The following EHMT1 variants were observed in gnomAD, a reference collection of about 807,000 sequenced individuals.
EHMT1 encodes euchromatic histone lysine methyltransferase 1.
EHMT1 carries 15 observed loss-of-function variants against 147.2 expected under a neutral mutation model. The observed-to-expected ratio is 0.10, with a 90% CI of 0.07 to 0.16. EHMT1 has a LOEUF of 0.16. Ranked by LOEUF, EHMT1 falls within the 10% of genes least tolerant of loss-of-function variation. EHMT1 has a pLI of 1.00. For synonymous variants in EHMT1, 795 were observed against 709.6 expected (o/e 1.12, Z -1.91); for missense variants, 1,587 against 1,772.4 (o/e 0.90, Z 1.88).
chr9:137,782,310 C>T lies in EHMT1; in HGVS notation c.2295C>T (p.Asn765=). ...LLMLVDGIDP[N]FKMEHQNKRS... ...TCACAGTGGACGGAATTGACCCCAA[C>T]TTCAAAATGGAGCACCAGAATAAGC... The change falls in exon 15 of 27, where the codon AAC becomes AAT. Residue 765 remains asparagine, a synonymous_variant. Transcript: ENST00000460843. The surrounding 1 kb of genome is among the most constrained non-coding windows in gnomAD (Gnocchi z 5.7). 1 of 1,613,798 alleles carries T rather than the reference C, an allele frequency of 6.2e-7. No individual in the cohort carries two copies.
intron 15 of EHMT1, among the ~76,000 whole-genome samples, chr9:137,789,613 C>T (rs560293514): frequency 1.3e-5 from 2 of 152,352 alleles, no homozygotes; most frequent in East Asian, 3.9e-4. Flanking sequence ...AGGCCTCAGC[C>T]TTCTGACCTC....
At chr9:137,633,142 G>A (rs1437102585) in intron 1 of EHMT1, among the ~76,000 whole-genome samples, 1 of 152,114 alleles carries the variant, frequency 6.6e-6, no homozygotes, top group African/African-American at 2.4e-5. Flanking sequence ...GTGGGTGGCC[G>A]TGCCATTCAC....
At chr9:137,681,089 A>C (rs1005653891) in intron 1 of EHMT1, among the ~76,000 whole-genome samples, 1 of 152,230 alleles carries the variant, frequency 6.6e-6, no homozygotes, top group Non-Finnish European at 1.5e-5. Flanking sequence ...ACAGGAGCAA[A>C]GCCCAGGCCA....
At chr9:137,769,415 C>T (rs1259701284) in intron 10 of EHMT1, among the ~76,000 whole-genome samples, 2 of 152,148 alleles carry the variant, frequency 1.3e-5, no homozygotes, top group Admixed American at 6.5e-5. Flanking sequence ...TTTGGTAGCA[C>T]AAGGCTGCTG....
At chr9:137,818,600 C>T (rs1955140962) in intron 25 of EHMT1, among the ~76,000 whole-genome samples, 1 of 100,592 alleles carries the variant, frequency 9.9e-6, no homozygotes, top group Non-Finnish European at 1.8e-5. Flanking sequence ...TGAGGGGCGC[C>T]ATGTACCGAG....
chr9:137,834,344 T>A lies in EHMT1; in HGVS notation c.3541-5T>A. 9 of 1,612,170 alleles carry A rather than the reference T, an allele frequency of 5.6e-6. No homozygotes were observed. The highest frequency in any genetic ancestry group is 7.6e-6 in the Non-Finnish European group (9 of 1,179,682). ...TGCAGCCCGTGCCGGCTTCTCGCCCTGCAGGACGGGGAGGTTTACTGCATC... is the reference window on the plus strand; with the variant it reads ...TGCAGCCCGTGCCGGCTTCTCGCCCAGCAGGACGGGGAGGTTTACTGCATC... On this transcript the variant is annotated splice_polypyrimidine_tract_variant and splice_region_variant and intron_variant, in intron 25 of 26. Transcript: ENST00000460843.
rs376597636 is a variant in EHMT1, at chr9:137,696,375, C to G, written c.22-14592C>G. ...TTCCTTCTTGCTGCTGTTACAGTTCCCAAGGAGAAGACAAGTCTCTCTTCC... is the reference window on the plus strand; with the variant it reads ...TTCCTTCTTGCTGCTGTTACAGTTCGCAAGGAGAAGACAAGTCTCTCTTCC... On this transcript the variant is annotated intron_variant, in intron 1 of 26. Transcript: ENST00000460843. Among the ~76,000 whole-genome samples, 144 of 152,216 alleles carry G rather than the reference C, an allele frequency of 9.5e-4. 1 individual carries two copies. Among genetic ancestry groups the G allele is most frequent in the African/African-American group, 3.3e-3 (139 of 41,532 alleles).
chr9:137,684,712 C>G (rs187134672), intron 1 of EHMT1, among the ~76,000 whole-genome samples: 1 of 152,050 alleles, frequency 6.6e-6, no homozygotes, highest in Non-Finnish European at 1.5e-5. Flanking sequence ...AGGCTGCTCT[C>G]GAACTCCTGA....
chr9:137,691,511 GT>G (rs1252776104), intron 1 of EHMT1, among the ~76,000 whole-genome samples: 1 of 151,922 alleles, frequency 6.6e-6, no homozygotes, highest in African/African-American at 2.4e-5. Flanking sequence ...ACTACATTTT[GT>G]TTGTCCATTA....
intron 1 of EHMT1, among the ~76,000 whole-genome samples, chr9:137,670,041 G>A (rs562028104): frequency 3.3e-5 from 5 of 152,178 alleles, no homozygotes; most frequent in Admixed American, 6.5e-5. Context: ...TGTATTTTTA[G>A]TAGAGATGAG....
chr9:137,726,453 G>A (rs868260339), intron 3 of EHMT1, among the ~76,000 whole-genome samples: 3 of 152,180 alleles, frequency 2.0e-5, no homozygotes, highest in Admixed American at 6.5e-5. Context: ...CCCCAGCTTC[G>A]CTGCTTCTCA....
intron 26 of EHMT1, 58 bp downstream of exon 26, chr9:137,834,582 G>A (rs1956469877): frequency 1.2e-6 from 2 of 1,604,492 alleles, no homozygotes; most frequent in Non-Finnish European, 8.5e-7. Flanking sequence ...TTTTAGGAAC[G>A]GGGCTCGCAT....
At chr9:137,814,175 C>G (rs957871666) in intron 21 of EHMT1, 4 of 583,158 alleles carry the variant, frequency 6.9e-6, no homozygotes, top group Non-Finnish European at 1.2e-5. Flanking sequence ...CACCCCACGT[C>G]ACCCACTGCC....
At position 137,777,902 on chromosome 9, in the gene EHMT1, C is replaced by T. The variant is rs147523309; in HGVS notation, c.2039C>T (p.Ser680Leu). 4.3e-5 allele frequency: 69 copies of T among 1,613,476 alleles called. No homozygotes were observed. Among genetic ancestry groups the T allele is most frequent in the Middle Eastern group, 3.3e-4 (2 of 6,020 alleles). ...TGAAGTGCTGCCGGGCCACCACTCT[C>T]GGAGGACGACAAGCTGCAGGGTGCA... ...TTGSAAGPPLSEDDKLQGAAS... is the reference protein window; with the variant it reads ...TTGSAAGPPLLEDDKLQGAAS... Residue 680 changes from serine to leucine, a missense_variant, in exon 13 of 27, where the codon TCG becomes TTG. This residue lies in a region of EHMT1 where 77 missense variants were observed against 79.3 expected (regional missense o/e 0.97). Transcript: ENST00000460843.
chr9:137,810,660 A>G (rs756478138), intron 18 of EHMT1, among the ~76,000 whole-genome samples: 1 of 150,596 alleles, frequency 6.6e-6, no homozygotes. Context: ...TCCAAATTTT[A>G]TTTGTTTTAT....
At chr9:137,680,005 G>A (rs1285312392) in intron 1 of EHMT1, among the ~76,000 whole-genome samples, 1 of 152,114 alleles carries the variant, frequency 6.6e-6, no homozygotes, top group African/African-American at 2.4e-5. Flanking sequence ...GTGAGTGTTT[G>A]ATTATTCTCC....
At chr9:137,721,699 G>A (rs567738700) in intron 3 of EHMT1, among the ~76,000 whole-genome samples, 7 of 151,506 alleles carry the variant, frequency 4.6e-5, no homozygotes, top group Non-Finnish European at 8.8e-5. Context: ...CTTTGCTGTC[G>A]GTGTGTCATC....
chr9:137,625,661 C>G (rs1182605664), intron 1 of EHMT1, among the ~76,000 whole-genome samples: 1 of 151,810 alleles, frequency 6.6e-6, no homozygotes, highest in African/African-American at 2.4e-5. Context: ...TTACTGTTTT[C>G]TCTGTGTTCT....
intron 23 of EHMT1, chr9:137,816,327 C>G: frequency 1.9e-6 from 1 of 522,496 alleles, no homozygotes; most frequent in South Asian, 2.0e-5. Context: ...AGCAGAGGAA[C>G]GGACTTGGCC....
Sources: gnomAD v4.1 joint callset for allele counts (sites outside exome capture counted in the v4.1 genomes callset) on GRCh38, gnomAD v4.1.1 for gene constraint, gnomAD v4.1.1 regional missense constraint, Gnocchi (gnomAD v3.1) non-coding constraint, MANE v1.5 for transcripts, NCBI Gene and HGNC (gene_info 2026-07-23, HGNC 2026-07-21) for gene names.